PPP1R12A: variants seen among roughly 807,000 people sequenced by gnomAD.
PPP1R12A encodes the protein protein phosphatase 1 regulatory subunit 12A.
In PPP1R12A, 19 loss-of-function variants were observed where a neutral mutation model predicts 139.6. That is an observed-to-expected ratio of 0.14 (90% CI 0.09 to 0.20). The LOEUF is 0.20. Among genes scored for constraint, PPP1R12A ranks in the 10% least tolerant of loss-of-function variants. The pLI, the probability that PPP1R12A is intolerant of heterozygous loss-of-function variation, is 1.00. For missense variants in PPP1R12A, 925 were observed against 1,211.5 expected (o/e 0.76, Z 3.51); for synonymous variants, 427 against 420.6 (o/e 1.02, Z -0.19).
chr12:79,900,617 G>C lies in PPP1R12A; in HGVS notation c.238-27679C>G, dbSNP rs1309993111. Among the ~76,000 whole-genome samples the C allele has an allele frequency of 2.0e-5, 3 of 152,090 alleles. No individual in the cohort carries two copies. The East Asian group carries it at 5.8e-4, about 29-fold the overall frequency. The stretch of plus-strand genomic sequence containing the variant: ...AGATATATATTTCAGTTTCTGTCCA[G>C]GATTTTAAAGTATTTCCCAAGGTGT... On this transcript the variant is annotated intron_variant, in intron 1 of 24. Coordinates refer to ENST00000450142, the MANE Select transcript of PPP1R12A (RefSeq NM_002480.3).
chr12:79,792,826 T>A (rs1309092266), intron 19 of PPP1R12A, among the ~76,000 whole-genome samples: 2 of 152,182 alleles, frequency 1.3e-5, no homozygotes, highest in Non-Finnish European at 2.9e-5. Context: ...GGAGTTCTGA[T>A]AACTGATAAC....
At chr12:79,891,298 CT>C (rs1884622505) in intron 1 of PPP1R12A, among the ~76,000 whole-genome samples, 1 of 152,066 alleles carries the variant, frequency 6.6e-6, no homozygotes, top group African/African-American at 2.4e-5. Flanking sequence ...CCAAGTTACT[CT>C]GCATTTCTGG....
Position 79,817,533 on chromosome 12 carries a change from C to T in PPP1R12A, c.1115-15G>A, listed in dbSNP as rs1361891058. 5 of 1,560,302 alleles carry T rather than the reference C, an allele frequency of 3.2e-6. No individual in the cohort carries two copies. The African/African-American group carries it at 6.8e-5, about 21-fold the overall frequency. ...TTTTGTCTTATCTATTAAAGACAAA[C>T]AATTAAGAGTCAAGATTCCATATAT... On this transcript the variant is annotated splice_polypyrimidine_tract_variant and intron_variant, in intron 8 of 24. Transcript: ENST00000450142.
intron 11 of PPP1R12A, 33 bp from the exon 12 acceptor site, chr12:79,807,363 A>G (rs1159826554): frequency 3.0e-6 from 4 of 1,327,326 alleles, no homozygotes; most frequent in Non-Finnish European, 3.2e-6. Context: ...ATTCTGGTAC[A>G]TAATTTTAAA....
In PPP1R12A at chr12:79,933,682, G is replaced by A. The variant is rs956757448; in HGVS notation, c.237+1013C>T. ...AATTGCTTTTTATGCATAACTCTAC[G>A]TGGTTGTGTTGCTTTTGGCCTGTTA... On this transcript the variant is annotated intron_variant, in intron 1 of 24. Transcript: ENST00000450142. Among the ~76,000 whole-genome samples, 5 of 152,274 alleles carry A rather than the reference G, an allele frequency of 3.3e-5. No homozygotes were observed. The South Asian group carries it at 8.3e-4, about 25-fold the overall frequency.
intron 1 of PPP1R12A, among the ~76,000 whole-genome samples, chr12:79,876,158 G>C (rs116528473): frequency 6.6e-6 from 1 of 152,024 alleles, no homozygotes; most frequent in East Asian, 1.9e-4. Flanking sequence ...GCCTTTCTTG[G>C]ACAGCATACT....
chr12:79,798,217 A>G (rs1395021771), intron 15 of PPP1R12A, among the ~76,000 whole-genome samples: 1 of 152,166 alleles, frequency 6.6e-6, no homozygotes, highest in Admixed American at 6.5e-5. Context: ...AAAAAGACAC[A>G]AAGGCATATG....
chr12:79,889,770 T>C (rs751980134), intron 1 of PPP1R12A, among the ~76,000 whole-genome samples: 8 of 152,138 alleles, frequency 5.3e-5, no homozygotes, highest in Non-Finnish European at 1.0e-4. Flanking sequence ...CTGGGGGACT[T>C]ATAAGCAGCA....
chr12:79,880,616 G>A (rs1468896891), intron 1 of PPP1R12A, among the ~76,000 whole-genome samples: 2 of 152,166 alleles, frequency 1.3e-5, no homozygotes, highest in Non-Finnish European at 2.9e-5. Context: ...AGAATTTCAA[G>A]ATGATGCTTG....
chr12:79,863,904 C>A (rs1030595591), intron 2 of PPP1R12A, among the ~76,000 whole-genome samples: 1 of 151,954 alleles, frequency 6.6e-6, no homozygotes, highest in Non-Finnish European at 1.5e-5. Flanking sequence ...ACTTTAATAC[C>A]CCACTGTCAA....
At chr12:79,838,559 G>T (rs902559887) in intron 3 of PPP1R12A, among the ~76,000 whole-genome samples, 1 of 152,188 alleles carries the variant, frequency 6.6e-6, no homozygotes, top group African/African-American at 2.4e-5. Flanking sequence ...TTCATGGGCC[G>T]GGTCCAGGGC....
chr12:79,928,385 G>T (rs1435219217), intron 1 of PPP1R12A, among the ~76,000 whole-genome samples: 1 of 152,154 alleles, frequency 6.6e-6, no homozygotes, highest in African/African-American at 2.4e-5. Flanking sequence ...CCCCATATAT[G>T]GCTAGGGTTG....
chr12:79,797,566 A>G (rs1274586375), intron 15 of PPP1R12A, among the ~76,000 whole-genome samples, 171 bp from the exon 16 acceptor site: 1 of 152,174 alleles, frequency 6.6e-6, no homozygotes, highest in Non-Finnish European at 1.5e-5. Flanking sequence ...AAGAATCACC[A>G]TTAGCAAGCA....
chr12:79,921,351 T>C (rs553772058), intron 1 of PPP1R12A, among the ~76,000 whole-genome samples: 3 of 152,006 alleles, frequency 2.0e-5, no homozygotes, highest in African/African-American at 4.8e-5. Flanking sequence ...CAAAAAAGAA[T>C]AATAGACATA....
In PPP1R12A at chr12:79,790,475, G is replaced by T; in HGVS notation, c.2658C>A (p.Ser886=). ...AAATAAATAAAACATACCTAGAAAT[G>T]GAATCCGTCTGGAAAGAAAGAGAAA... ...GSNKKETQTD[S]ISRYETSSTS... is the part of the protein sequence containing the mutation. The change falls in exon 20 of 25, where the codon TCC becomes TCA. Residue 886 remains serine, a synonymous_variant. Transcript: ENST00000450142. 7.3e-7 allele frequency: 1 copy of T among 1,367,204 alleles called. No individual in the cohort carries two copies. Among genetic ancestry groups the T allele is most frequent in the South Asian group, 1.5e-5 (1 of 64,892 alleles). The allele number at this position is 1,367,204 out of a possible 1,614,324, so 84.7% of individuals were successfully genotyped here.
upstream of PPP1R12A, chr12:79,935,233 T>C (rs1189303439): frequency 8.1e-7 from 1 of 1,232,028 alleles, no homozygotes; most frequent in South Asian, 2.2e-5. Flanking sequence ...CTTCGACCAG[T>C]GCGCATGCGC....
chr12:79,885,932 G>A (rs1220805398), intron 1 of PPP1R12A, among the ~76,000 whole-genome samples: 1 of 152,088 alleles, frequency 6.6e-6, no homozygotes, highest in African/African-American at 2.4e-5. Context: ...CTGGCCTCAA[G>A]CAATCCTCTT....
chr12:79,888,933 C>G (rs1335948225), intron 1 of PPP1R12A, among the ~76,000 whole-genome samples: 1 of 152,200 alleles, frequency 6.6e-6, no homozygotes, highest in Admixed American at 6.5e-5. Context: ...GCACATATCC[C>G]TTGACAGTGC....
chr12:79,918,392 T>C (rs1016810085), intron 1 of PPP1R12A, among the ~76,000 whole-genome samples: 10 of 152,192 alleles, frequency 6.6e-5, no homozygotes, highest in Admixed American at 1.3e-4. Flanking sequence ...GTGTACATTT[T>C]ACACTTGATT....
Sources: allele counts gnomAD v4.1 joint callset (sites outside exome capture counted in the v4.1 genomes callset), GRCh38; gene constraint gnomAD v4.1.1; transcripts MANE v1.5; gene names NCBI Gene and HGNC (gene_info 2026-07-23, HGNC 2026-07-21).